FSTL5: variants seen among roughly 807,000 people sequenced by gnomAD.
FSTL5 encodes follistatin like 5, also known as follistatin-related protein 5.
Under a neutral mutation model 89.1 loss-of-function variants are expected in FSTL5, and 62 were observed. The ratio of observed to expected loss-of-function variants is 0.70; its 90% CI spans 0.57 to 0.86. The LOEUF (loss-of-function observed/expected upper bound fraction) is 0.86. Among genes scored for constraint, FSTL5 ranks in the 40% least tolerant of loss-of-function variants. The pLI is 0.00. For synonymous variants in FSTL5, 383 were observed against 346.2 expected (o/e 1.11, Z -1.18); for missense variants, 1,057 against 1,001.6 (o/e 1.06, Z -0.75).
intron 4 of FSTL5, among the ~76,000 whole-genome samples, chr4:161,899,720 T>C (rs1394205365): frequency 1.3e-5 from 2 of 152,184 alleles, no homozygotes; most frequent in Non-Finnish European, 2.9e-5. Context: ...AGACAATATA[T>C]GTTGACAAGT....
intron 3 of FSTL5, among the ~76,000 whole-genome samples, chr4:161,959,751 A>G (rs565695968): frequency 5.9e-5 from 9 of 152,180 alleles, no homozygotes; most frequent in African/African-American, 2.2e-4. Context: ...GTGCTTTACA[A>G]TTTATTGGGT....
chr4:161,451,270 A>G (rs1733154422), intron 15 of FSTL5, among the ~76,000 whole-genome samples: 1 of 152,084 alleles, frequency 6.6e-6, no homozygotes, highest in African/African-American at 2.4e-5. Flanking sequence ...TTTAAAGAAA[A>G]ATTTTTACTA....
chr4:162,002,964 GA>G (rs1307469256), intron 3 of FSTL5, among the ~76,000 whole-genome samples: 1 of 151,938 alleles, frequency 6.6e-6, no homozygotes, highest in Non-Finnish European at 1.5e-5. Context: ...CTAACACAGT[GA>G]AACCCCGTCT....
At chr4:162,004,401 C>T (rs1206213450) in intron 3 of FSTL5, among the ~76,000 whole-genome samples, 1 of 152,228 alleles carries the variant, frequency 6.6e-6, no homozygotes, top group Non-Finnish European at 1.5e-5. Flanking sequence ...GCTGCCACAA[C>T]TCCAGCATAA....
chr4:161,466,273 T>C (rs1279374784), intron 13 of FSTL5, among the ~76,000 whole-genome samples: 1 of 152,166 alleles, frequency 6.6e-6, no homozygotes, highest in Non-Finnish European at 1.5e-5. Context: ...AAAAAATTCA[T>C]CAATATTTCT....
chr4:161,452,978 C>T (rs1405439210), intron 15 of FSTL5, among the ~76,000 whole-genome samples: 1 of 152,172 alleles, frequency 6.6e-6, no homozygotes. Flanking sequence ...CCAACTCCAG[C>T]TCTGAGGTAA....
At chr4:162,148,482 T>A (rs1427854901) in intron 1 of FSTL5, among the ~76,000 whole-genome samples, 1 of 152,194 alleles carries the variant, frequency 6.6e-6, no homozygotes, top group Non-Finnish European at 1.5e-5. Flanking sequence ...TATATCAACA[T>A]AATGCTTTAT....
intron 7 of FSTL5, among the ~76,000 whole-genome samples, chr4:161,604,122 G>T (rs944719456): frequency 6.6e-6 from 1 of 151,966 alleles, no homozygotes; most frequent in African/African-American, 2.4e-5. Context: ...TATAGTATTT[G>T]CTTCTTACTT....
Position 161,759,491 on chromosome 4 carries a change from C to T in FSTL5, c.647G>A (p.Cys216Tyr). 2 of 1,585,426 alleles carry T rather than the reference C, an allele frequency of 1.3e-6. No individual in the cohort carries two copies. The highest frequency in any genetic ancestry group is 1.7e-6 in the Non-Finnish European group (2 of 1,165,220). ...ATATTTCAATAGAACATACAAAGTA[C>T]AATCAAAGAGATCCTTGCCAAGTTC... ...QEELGKDLFD[C>Y]TLYVLLKYDD... Residue 216 changes from cysteine (C) to tyrosine (Y), a missense_variant, in exon 6 of 16, where the codon TGT (cysteine) becomes TAT (tyrosine). Physicochemically the swap from Cys to Tyr is radical, Grantham distance 194. Coordinates refer to ENST00000306100, the MANE Select transcript of FSTL5 (RefSeq NM_020116.5).
chr4:161,507,868 TGAGA>T, intron 11 of FSTL5, among the ~76,000 whole-genome samples: 1 of 152,088 alleles, frequency 6.6e-6, no homozygotes, highest in African/African-American at 2.4e-5. Flanking sequence ...AATGGCATTA[TGAGA>T]GAAATTATCA....
intron 3 of FSTL5, among the ~76,000 whole-genome samples, chr4:162,021,802 A>G (rs1031720062): frequency 2.0e-5 from 3 of 152,014 alleles, no homozygotes; most frequent in African/African-American, 7.2e-5. Context: ...GTAAGAGATA[A>G]GAAGTTATGG....
At chr4:162,027,703 C>A (rs939113941) in intron 3 of FSTL5, among the ~76,000 whole-genome samples, 6 of 151,934 alleles carry the variant, frequency 3.9e-5, no homozygotes, top group Non-Finnish European at 8.8e-5. Flanking sequence ...CAACAATTTG[C>A]ATTTGTATTG....
chr4:161,868,044 T>C (rs946076179), intron 4 of FSTL5, among the ~76,000 whole-genome samples: 1 of 152,060 alleles, frequency 6.6e-6, no homozygotes, highest in Non-Finnish European at 1.5e-5. Flanking sequence ...CCACATTATA[T>C]AGATAAAAGC....
chr4:161,855,960 C>G (rs182698721), intron 4 of FSTL5, among the ~76,000 whole-genome samples: 2 of 152,086 alleles, frequency 1.3e-5, no homozygotes, highest in East Asian at 3.9e-4. Context: ...AGGAATAAAA[C>G]CAAGATATTT....
At chr4:161,614,451 T>C (rs1734769163) in intron 7 of FSTL5, among the ~76,000 whole-genome samples, 1 of 152,178 alleles carries the variant, frequency 6.6e-6, no homozygotes, top group South Asian at 2.1e-4. Context: ...CAGGCCTTCA[T>C]TAAATCAGAA....
rs375588007 is a variant in FSTL5, at chr4:162,126,513, T to C, written c.-16-15101A>G. 2.6e-5 allele frequency among the ~76,000 whole-genome samples: 4 copies of C among 152,282 alleles called. No individual in the cohort carries two copies. In the East Asian group the frequency reaches 5.8e-4, roughly 22 times the overall value. On this transcript the variant is annotated intron_variant, in intron 1 of 15. Coordinates refer to ENST00000306100, the MANE Select transcript of FSTL5 (RefSeq NM_020116.5). Reference sequence around the variant, plus strand: ...AAACTTACTTTTTCTCTTCGGAGTCTAGCATATTATTTTGATGAAATTTCC... The same window carrying C: ...AAACTTACTTTTTCTCTTCGGAGTCCAGCATATTATTTTGATGAAATTTCC...
At chr4:161,740,447 C>T (rs1739980532) in intron 6 of FSTL5, among the ~76,000 whole-genome samples, 2 of 151,230 alleles carry the variant, frequency 1.3e-5, no homozygotes, top group Non-Finnish European at 2.9e-5. Flanking sequence ...TATATCTGAC[C>T]CCATTTCAAC....
intron 3 of FSTL5, among the ~76,000 whole-genome samples, chr4:162,002,775 T>C (rs1244635498): frequency 6.7e-6 from 1 of 149,100 alleles, no homozygotes; most frequent in African/African-American, 2.5e-5. Context: ...GGTAATCAAA[T>C]ACCACATTTA....
At chr4:161,565,481 AT>A (rs760985163) in intron 8 of FSTL5, among the ~76,000 whole-genome samples, 3 of 151,826 alleles carry the variant, frequency 2.0e-5, no homozygotes, top group Admixed American at 1.3e-4. Flanking sequence ...ATATATAATT[AT>A]TTATCTTACA....
Sources: allele counts gnomAD v4.1 joint callset (sites outside exome capture counted in the v4.1 genomes callset), GRCh38; gene constraint gnomAD v4.1.1; transcripts MANE v1.5; gene names NCBI Gene and HGNC (gene_info 2026-07-23, HGNC 2026-07-21).